NELL1: variants seen among roughly 807,000 people sequenced by gnomAD.
NELL1 encodes the protein neural EGFL like 1.
In NELL1, 76 loss-of-function variants were observed where a neutral mutation model predicts 107.4. That is an observed-to-expected ratio of 0.71 (90% CI 0.59 to 0.86). The LOEUF is 0.86. Ranked by LOEUF, NELL1 falls within the 40% of genes least tolerant of loss-of-function variation. NELL1 has a pLI of 0.00. For synonymous variants in NELL1, 353 were observed against 341.2 expected (o/e 1.03, Z -0.38); for missense variants, 1,024 against 1,005.5 (o/e 1.02, Z -0.25).
At chr11:21,535,151 T>G (rs1856103033) in intron 16 of NELL1, among the ~76,000 whole-genome samples, 1 of 152,186 alleles carries the variant, frequency 6.6e-6, no homozygotes, top group Admixed American at 6.5e-5. Context: ...GTGGTTCTGT[T>G]AAATACTGAA....
At chr11:20,998,285 A>G (rs78092930) in intron 12 of NELL1, among the ~76,000 whole-genome samples, 3,305 of 152,268 alleles carry the variant, frequency 0.022, 120 homozygotes, top group African/African-American at 0.074. Context: ...AGAGAGAGAA[A>G]AATGTTGATT....
At chr11:21,426,428 A>C (rs1852824206) in intron 15 of NELL1, among the ~76,000 whole-genome samples, 1 of 152,234 alleles carries the variant, frequency 6.6e-6, no homozygotes, top group African/African-American at 2.4e-5. Flanking sequence ...TTTTATGAGC[A>C]TCATAAATCA....
rs746965285 is a variant in NELL1, at chr11:21,183,431, T to C, written c.1427-45901T>C. On this transcript the variant is annotated intron_variant, in intron 13 of 19. Coordinates refer to ENST00000357134, the MANE Select transcript of NELL1 (RefSeq NM_006157.5). ...ATAGGGTCAGCTGAACAAATAAAGC[T>C]TGCGAATGAGAATATTATTCAGGAG... Among the ~76,000 whole-genome samples the C allele has an allele frequency of 3.6e-4, 54 of 152,062 alleles. 1 individual carries two copies. Among genetic ancestry groups the C allele is most frequent in the Non-Finnish European group, 2.4e-4 (16 of 68,028 alleles).
At chr11:21,372,139 C>T (rs10833519) in intron 15 of NELL1, among the ~76,000 whole-genome samples, 31,611 of 151,766 alleles carry the variant, frequency 0.21, 4,051 homozygotes, top group Non-Finnish European at 0.28. Context: ...TATGAAAGAA[C>T]CATGTACTAC....
Position 20,847,712 on chromosome 11 carries a change from A to T in NELL1, c.465A>T (p.Ser155=). 6.2e-7 allele frequency: 1 copy of T among 1,613,392 alleles called. No individual in the cohort carries two copies. Among genetic ancestry groups the T allele is most frequent in the Non-Finnish European group, 8.5e-7 (1 of 1,179,652 alleles). The change falls in exon 4 of 20, where the codon TCA becomes TCT. Residue 155 remains serine (S), a synonymous_variant. Transcript: ENST00000357134. The part of the protein sequence containing the change: ...ADGQWHKVAL[S]VSASHLLLHV... ...GACAATGGCACAAGGTTGCACTGTC[A>T]GTTAGCGCCTCTCATCTCCTGCTCC... is the stretch of plus-strand genomic sequence containing the variant.
intron 2 of NELL1, among the ~76,000 whole-genome samples, chr11:20,692,035 T>A (rs965047417): frequency 6.6e-6 from 1 of 151,960 alleles, no homozygotes; most frequent in Non-Finnish European, 1.5e-5. Flanking sequence ...GTCGAGGAAT[T>A]TATCCATTTC....
intron 4 of NELL1, among the ~76,000 whole-genome samples, chr11:20,876,353 G>A (rs1849303928): frequency 6.6e-6 from 1 of 152,196 alleles, no homozygotes; most frequent in Non-Finnish European, 1.5e-5. Flanking sequence ...TTGGCAGGAG[G>A]AGACTACAGA....
intron 4 of NELL1, among the ~76,000 whole-genome samples, chr11:20,869,179 T>A (rs1849150587): frequency 6.6e-6 from 1 of 152,196 alleles, no homozygotes; most frequent in Non-Finnish European, 1.5e-5. Flanking sequence ...ACTTAACTGA[T>A]GTTTCTTGAG....
chr11:21,040,227 ATTAC>A (rs1259379961), intron 12 of NELL1, among the ~76,000 whole-genome samples: 1 of 151,986 alleles, frequency 6.6e-6, no homozygotes, highest in African/African-American at 2.4e-5. Context: ...TTTCATTAGA[ATTAC>A]TTGTAAACAT....
intron 15 of NELL1, among the ~76,000 whole-genome samples, chr11:21,515,923 T>A (rs1855550143): frequency 6.6e-6 from 1 of 152,172 alleles, no homozygotes; most frequent in South Asian, 2.1e-4. Flanking sequence ...GCCCTGGGTG[T>A]CTTCTCAGCA....
At chr11:20,792,349 G>A (rs981863560) in intron 3 of NELL1, among the ~76,000 whole-genome samples, 2 of 151,840 alleles carry the variant, frequency 1.3e-5, no homozygotes, top group South Asian at 4.2e-4. Flanking sequence ...CATAATAGTG[G>A]TAAATAATAT....
chr11:20,687,596 AT>A (rs34011831), intron 2 of NELL1, among the ~76,000 whole-genome samples: 239 of 146,618 alleles, frequency 1.6e-3, no homozygotes, highest in African/African-American at 3.5e-3. Flanking sequence ...ACTAAACTAA[AT>A]TTTTTTTTTT....
intron 2 of NELL1, among the ~76,000 whole-genome samples, chr11:20,755,006 T>C (rs968339806): frequency 6.6e-6 from 1 of 152,220 alleles, no homozygotes; most frequent in Non-Finnish European, 1.5e-5. Flanking sequence ...TTTCGCATTA[T>C]ACAGAGAGTG....
At chr11:21,004,162 C>A (rs1401663226) in intron 12 of NELL1, among the ~76,000 whole-genome samples, 2 of 151,996 alleles carry the variant, frequency 1.3e-5, no homozygotes, top group Non-Finnish European at 2.9e-5. Context: ...TTAGTTATTT[C>A]TGTGACTCTC....
intron 3 of NELL1, among the ~76,000 whole-genome samples, chr11:20,793,204 T>C (rs1483989215): frequency 1.3e-5 from 2 of 152,048 alleles, no homozygotes; most frequent in Non-Finnish European, 2.9e-5. Flanking sequence ...GTGGTATGGT[T>C]TCTATCTAAT....
intron 13 of NELL1, among the ~76,000 whole-genome samples, chr11:21,164,795 C>G (rs1028010653): frequency 6.6e-6 from 1 of 152,192 alleles, no homozygotes. Context: ...GACTTTGACT[C>G]TGTTTCCTTT....
intron 15 of NELL1, among the ~76,000 whole-genome samples, chr11:21,489,071 A>G (rs900422209): frequency 1.1e-4 from 17 of 152,056 alleles, no homozygotes; most frequent in Non-Finnish European, 2.1e-4. Flanking sequence ...ATCCAAAGAA[A>G]AAAAATCAGA....
chr11:21,326,263 T>C (rs1850140549), intron 14 of NELL1, among the ~76,000 whole-genome samples: 1 of 151,568 alleles, frequency 6.6e-6, no homozygotes, highest in Non-Finnish European at 1.5e-5. Flanking sequence ...CCACTTTATC[T>C]ACACTATTGG....
rs113923172 is a variant in NELL1 at position 21,333,108 on chromosome 11, T to C, written c.1550-37745T>C. 3.6e-3 allele frequency among the ~76,000 whole-genome samples: 546 copies of C among 152,142 alleles called. 4 individuals carry two copies. The highest frequency in any genetic ancestry group is 0.012 in the African/African-American group (508 of 41,540). Reference sequence around the variant, plus strand: ...AAGGTCATTCTTGGGTGATATAAGATTAAGACAGATAATACTGTGTGCTTC... The same window carrying C: ...AAGGTCATTCTTGGGTGATATAAGACTAAGACAGATAATACTGTGTGCTTC... On this transcript the variant is annotated intron_variant, in intron 14 of 19. Transcript: ENST00000357134.
Sources: allele counts gnomAD v4.1 joint callset (sites outside exome capture counted in the v4.1 genomes callset), GRCh38; gene constraint gnomAD v4.1.1; transcripts MANE v1.5; gene names NCBI Gene and HGNC (gene_info 2026-07-23, HGNC 2026-07-21).